The following TUSC3 variants were observed in gnomAD, a reference collection of about 807,000 sequenced individuals.
TUSC3 encodes dolichyl-diphosphooligosaccharide--protein glycosyltransferase subunit TUSC3.
In TUSC3, 45 loss-of-function variants were observed where a neutral mutation model predicts 44.8. That is an observed-to-expected ratio of 1.00 (90% CI 0.79 to 1.29). The LOEUF is 1.29. Among genes scored for constraint, TUSC3 ranks in the 50% most tolerant of loss-of-function variants. The pLI is 0.00. For missense variants in TUSC3, 519 were observed against 437.9 expected (o/e 1.19, Z -1.65); for synonymous variants, 212 against 152.9 (o/e 1.39, Z -2.85).
chr8:15,603,324 C>A (rs184246448), intron 1 of TUSC3, among the ~76,000 whole-genome samples: 1 of 151,782 alleles, frequency 6.6e-6, no homozygotes, highest in African/African-American at 2.4e-5. Context: ...CTATTTGTTA[C>A]TTTTCATCCT....
intron 2 of TUSC3, among the ~76,000 whole-genome samples, chr8:15,515,465 A>G (rs892960151): frequency 6.6e-6 from 1 of 152,160 alleles, no homozygotes; most frequent in Admixed American, 6.6e-5. Context: ...ATGAACAGTC[A>G]TTCAGCATCT....
chr8:15,814,679 G>A, the TUSC3 span, among the ~76,000 whole-genome samples: 1 of 152,106 alleles, frequency 6.6e-6, no homozygotes, highest in Non-Finnish European at 1.5e-5. Context: ...CTAAAGAGTT[G>A]CCTTACCCAG....
the TUSC3 span, among the ~76,000 whole-genome samples, chr8:15,849,548 G>A: frequency 6.6e-6 from 1 of 152,158 alleles, no homozygotes; most frequent in Admixed American, 6.6e-5. Context: ...CCAACTTAAA[G>A]AAAGCCACCA....
At chr8:15,623,505 G>A (rs1279519029) in intron 2 of TUSC3, among the ~76,000 whole-genome samples, 4 of 151,928 alleles carry the variant, frequency 2.6e-5, no homozygotes, top group Non-Finnish European at 5.9e-5. Context: ...TTGATATCCT[G>A]CAGATTGCCT....
chr8:15,835,860 T>A, the TUSC3 span, among the ~76,000 whole-genome samples: 1 of 115,986 alleles, frequency 8.6e-6, no homozygotes, highest in Non-Finnish European at 2.0e-5. Context: ...ACTGAAAGAA[T>A]TATAATTTTC....
chr8:15,501,095 A>G (rs1213970139), intron 2 of TUSC3, among the ~76,000 whole-genome samples: 1 of 152,164 alleles, frequency 6.6e-6, no homozygotes, highest in Non-Finnish European at 1.5e-5. Context: ...GACACTGTAA[A>G]CATTTGGCCC....
intron 1 of TUSC3, among the ~76,000 whole-genome samples, chr8:15,555,631 A>C (rs1802232894): frequency 6.6e-6 from 1 of 151,594 alleles, no homozygotes; most frequent in Non-Finnish European, 1.5e-5. Context: ...CATTTCTCTC[A>C]TATTTTACTT....
At chr8:15,521,844 T>C (rs954465018) in intron 2 of TUSC3, among the ~76,000 whole-genome samples, 1 of 152,226 alleles carries the variant, frequency 6.6e-6, no homozygotes, top group African/African-American at 2.4e-5. Context: ...AGGCCTTAAC[T>C]GCTCTGCTCT....
chr8:15,792,119 AACACACACAC>A, the TUSC3 span, among the ~76,000 whole-genome samples: 3 of 150,258 alleles, frequency 2.0e-5, no homozygotes, highest in Non-Finnish European at 3.0e-5. Context: ...GCCAACCTCT[AACACACACAC>A]ACACACACAC....
At chr8:15,798,330 G>C in the TUSC3 span, among the ~76,000 whole-genome samples, 1 of 152,148 alleles carries the variant, frequency 6.6e-6, no homozygotes, top group South Asian at 2.1e-4. Flanking sequence ...GCATAGGCTA[G>C]TTCCCTAAGT....
intron 6 of TUSC3, among the ~76,000 whole-genome samples, chr8:15,690,619 G>T (rs1382876931): frequency 1.3e-5 from 2 of 152,016 alleles, no homozygotes; most frequent in African/African-American, 2.4e-5. Context: ...TCTTCTAGGA[G>T]TTTTATCGTT....
At chr8:15,469,187 C>A (rs1479553877) in intron 1 of TUSC3, among the ~76,000 whole-genome samples, 1 of 152,180 alleles carries the variant, frequency 6.6e-6, no homozygotes, top group Non-Finnish European at 1.5e-5. Flanking sequence ...AATTAAACTT[C>A]TTCTCTGTGA....
At chr8:15,768,024 T>C (rs1271103877), downstream of TUSC3, among the ~76,000 whole-genome samples, 1 of 152,208 alleles carries the variant, frequency 6.6e-6, no homozygotes, top group African/African-American at 2.4e-5. Flanking sequence ...CACATCTTGC[T>C]GATATTAATA....
chr8:15,705,134 G>A (rs1437026318), intron 6 of TUSC3, among the ~76,000 whole-genome samples: 5 of 149,120 alleles, frequency 3.4e-5, no homozygotes, highest in Admixed American at 2.0e-4. Flanking sequence ...TTTTTTTCTC[G>A]GACCTTCTTA....
chr8:15,433,372 AAAT>A (rs1799901590), intron 1 of TUSC3, among the ~76,000 whole-genome samples: 1 of 152,188 alleles, frequency 6.6e-6, no homozygotes. Flanking sequence ...TTTCTTCTTA[AAAT>A]AATGTTTCAG....
chr8:15,641,303 G>A (rs1403937836), intron 2 of TUSC3, among the ~76,000 whole-genome samples: 3 of 149,106 alleles, frequency 2.0e-5, no homozygotes, highest in African/African-American at 4.9e-5. Context: ...GGAGGTTGCA[G>A]TGAGCCAAGA....
chr8:15,709,492 T>C (rs1280725692), intron 6 of TUSC3, among the ~76,000 whole-genome samples: 1 of 151,854 alleles, frequency 6.6e-6, no homozygotes, highest in Non-Finnish European at 1.5e-5. Flanking sequence ...TCATTTTTGC[T>C]CCTCTGACTT....
chr8:15,758,389 A>T (rs1812023759), intron 10 of TUSC3: 1 of 328,216 alleles, frequency 3.0e-6, no homozygotes, highest in African/African-American at 2.3e-5. Context: ...ATATATATAT[A>T]ATTTTACATA....
At chr8:15,475,032 G>A (rs1421644451) in intron 1 of TUSC3, among the ~76,000 whole-genome samples, 10 of 151,944 alleles carry the variant, frequency 6.6e-5, no homozygotes, top group Admixed American at 5.3e-4. Flanking sequence ...TTTGACGATG[G>A]CCAATTGCTA....
Sources: allele counts gnomAD v4.1 joint callset (sites outside exome capture counted in the v4.1 genomes callset), GRCh38; gene constraint gnomAD v4.1.1; transcripts MANE v1.5; gene names NCBI Gene and HGNC (gene_info 2026-07-23, HGNC 2026-07-21).